PLCG2: variants seen among roughly 807,000 people sequenced by gnomAD.
PLCG2 encodes 1-phosphatidylinositol 4,5-bisphosphate phosphodiesterase gamma-2.
Under a neutral mutation model 175.6 loss-of-function variants are expected in PLCG2, and 69 were observed. The observed-to-expected ratio is 0.39, with a 90% CI of 0.32 to 0.48. PLCG2 has a LOEUF of 0.48. Ranked by LOEUF, PLCG2 falls within the 20% of genes least tolerant of loss-of-function variation. The probability of loss-of-function intolerance (pLI) is 0.91; values close to 1 mark genes in which losing one functional copy is unlikely to be tolerated. For missense variants in PLCG2, 1,798 were observed against 1,650.9 expected (o/e 1.09, Z -1.54); for synonymous variants, 827 against 624.0 (o/e 1.33, Z -4.85).
intron 2 of PLCG2, among the ~76,000 whole-genome samples, chr16:81,828,112 A>G (rs1905117122): frequency 6.7e-6 from 1 of 149,720 alleles, no homozygotes; most frequent in Non-Finnish European, 1.5e-5. Context: ...AAAAAAAAAA[A>G]GTTGACTCAT....
chr16:81,929,527 C>T (rs1407124452), intron 24 of PLCG2, among the ~76,000 whole-genome samples: 2 of 152,168 alleles, frequency 1.3e-5, no homozygotes, highest in Middle Eastern at 3.2e-3. Context: ...TCCTGAGTAG[C>T]CGGGACTACA....
At chr16:81,934,565 C>T in intron 26 of PLCG2, 34 bp downstream of exon 26, 1 of 1,246,762 alleles carries the variant, frequency 8.0e-7, no homozygotes, top group Non-Finnish European at 1.2e-6. Context: ...CCCTATAACT[C>T]CAATGAAAAC....
intron 2 of PLCG2, among the ~76,000 whole-genome samples, chr16:81,820,408 A>G (rs936839163): frequency 6.6e-6 from 1 of 152,206 alleles, no homozygotes; most frequent in African/African-American, 2.4e-5. Flanking sequence ...TTTCATAAAC[A>G]TGGAATGAAA....
intron 1 of PLCG2, among the ~76,000 whole-genome samples, chr16:81,781,519 G>A (rs979006860): frequency 1.3e-5 from 2 of 152,054 alleles, no homozygotes; most frequent in Non-Finnish European, 2.9e-5. Flanking sequence ...ACAATTGCAG[G>A]ATCGAAGCAT....
Position 81,866,527 on chromosome 16 carries a change from C to G in PLCG2, c.480-2687C>G, listed in dbSNP as rs1346587547. Among the ~76,000 whole-genome samples, 2 of 90,020 alleles carry G rather than the reference C, an allele frequency of 2.2e-5. 1 individual carries two copies. The highest frequency in any genetic ancestry group is 5.6e-5 in the Non-Finnish European group (2 of 35,940). 59.1% of individuals were successfully genotyped at this position (90,020 alleles called of 152,430 possible). On this transcript the variant is annotated intron_variant, in intron 5 of 32. Coordinates refer to ENST00000564138, the MANE Select transcript of PLCG2 (RefSeq NM_002661.5). ...AGAGGACGCTGGCCTCTCCCTTGCT[C>G]CCAGGATGAGCTCCACTGGGGCACC...
intron 9 of PLCG2, among the ~76,000 whole-genome samples, chr16:81,886,750 G>A (rs561898153): frequency 1.3e-5 from 2 of 152,286 alleles, no homozygotes; most frequent in South Asian, 4.1e-4. Flanking sequence ...TATATAACAT[G>A]GAGAATAACC....
intron 26 of PLCG2, among the ~76,000 whole-genome samples, chr16:81,934,762 T>A (rs1355379683): frequency 2.0e-5 from 3 of 152,020 alleles, no homozygotes; most frequent in Non-Finnish European, 4.4e-5. Context: ...GACTGAGTAA[T>A]TTATAAGGAA....
chr16:81,942,918 ATTTTT>A (rs71146055), intron 30 of PLCG2, among the ~76,000 whole-genome samples: 20 of 148,060 alleles, frequency 1.4e-4, no homozygotes, highest in African/African-American at 5.0e-4. Context: ...AAAAACAATT[ATTTTT>A]TTTTTTTTTA....
intron 9 of PLCG2, among the ~76,000 whole-genome samples, chr16:81,886,390 A>C (rs1908368922): frequency 6.6e-6 from 1 of 152,194 alleles, no homozygotes; most frequent in African/African-American, 2.4e-5. Flanking sequence ...TCACTGCAGC[A>C]CTTTGTGTGC....
intron 8 of PLCG2, among the ~76,000 whole-genome samples, chr16:81,883,047 C>A (rs1193349344): frequency 6.6e-6 from 1 of 152,174 alleles, no homozygotes; most frequent in Non-Finnish European, 1.5e-5. Context: ...ACACCAGGGC[C>A]TGCCCCTTGA....
intron 2 of PLCG2, among the ~76,000 whole-genome samples, chr16:81,818,884 T>TTTTTA (rs1904671846): frequency 4.4e-4 from 1 of 2,294 alleles, no homozygotes; most frequent in African/African-American, 1.1e-3. Flanking sequence ...GGCTCATGGA[T>TTTTTA]TTTTTTTTTT....
At position 81,959,650 on chromosome 16, in the gene PLCG2, A is replaced by G. The variant is rs1464235929; in HGVS notation, c.*1652A>G. 1 of 189,584 alleles carries G rather than the reference A, an allele frequency of 5.3e-6. No homozygotes were observed. The highest frequency in any genetic ancestry group is 1.1e-5 in the Non-Finnish European group (1 of 90,312). 11.7% of individuals were successfully genotyped at this position (189,584 alleles called of 1,614,324 possible). A position where few individuals can be genotyped will look rare whatever the true frequency, so the allele number is the denominator to read the frequency against. On this transcript the variant is annotated 3_prime_UTR_variant, in exon 33 of 33. Transcript: ENST00000564138. ...TATTTGGCAGTCAGCAACTGAAGAAAGAACATTCCTCTTAGTGGCAGATGT... is the reference window on the plus strand; with the variant it reads ...TATTTGGCAGTCAGCAACTGAAGAAGGAACATTCCTCTTAGTGGCAGATGT...
chr16:81,882,936 C>G (rs181382731), intron 8 of PLCG2, among the ~76,000 whole-genome samples: 33 of 149,638 alleles, frequency 2.2e-4, no homozygotes, highest in African/African-American at 7.8e-4. Flanking sequence ...TACACTGTAT[C>G]CCATATGCCT....
rs1472539031 is a variant in PLCG2, at chr16:81,958,418, A to G, written c.*420A>G. ...GGAGGATGAGCTGGAAATGTAAGAA[A>G]CTATTCATGAGATTCTGAAAAGGAT... On this transcript the variant is annotated 3_prime_UTR_variant, in exon 33 of 33. Transcript: ENST00000564138. 8 of 245,542 alleles carry G rather than the reference A, an allele frequency of 3.3e-5. No individual in the cohort carries two copies. The highest frequency in any genetic ancestry group is 6.3e-5 in the Non-Finnish European group (8 of 126,158). The allele number at this position is 245,542 out of a possible 1,614,324, so 15.2% of individuals were successfully genotyped here.
At chr16:81,826,725 AC>A (rs1905063542) in intron 2 of PLCG2, among the ~76,000 whole-genome samples, 2 of 152,108 alleles carry the variant, frequency 1.3e-5, no homozygotes, top group South Asian at 4.2e-4. Flanking sequence ...TGACGAGTCT[AC>A]CCATTTTATA....
chr16:81,799,517 TGG>T (rs1911625349), intron 2 of PLCG2, among the ~76,000 whole-genome samples: 1 of 152,114 alleles, frequency 6.6e-6, no homozygotes, highest in Non-Finnish European at 1.5e-5. Flanking sequence ...CTTGAACTCC[TGG>T]CCTCAAGAGA....
intron 1 of PLCG2, among the ~76,000 whole-genome samples, chr16:81,742,099 T>G (rs1420130698): frequency 2.1e-5 from 3 of 141,324 alleles, no homozygotes; most frequent in African/African-American, 8.5e-5. Context: ...TGCTCAACAT[T>G]TAAACACAGA....
intron 27 of PLCG2, 45 bp from the exon 28 acceptor site, chr16:81,937,713 C>A (rs781289121): frequency 1.0e-5 from 16 of 1,583,366 alleles, no homozygotes; most frequent in African/African-American, 8.1e-5. Context: ...AGGGGGCCAG[C>A]GTGCTCATGC....
At chr16:81,874,946 G>A (rs911390957) in intron 7 of PLCG2, among the ~76,000 whole-genome samples, 1 of 42,848 alleles carries the variant, frequency 2.3e-5, no homozygotes, top group African/African-American at 7.1e-5. Context: ...ACTATCCTAT[G>A]TGTTTTTTTT....
Sources: allele counts gnomAD v4.1 joint callset (sites outside exome capture counted in the v4.1 genomes callset), GRCh38; gene constraint gnomAD v4.1.1; transcripts MANE v1.5; gene names NCBI Gene and HGNC (gene_info 2026-07-23, HGNC 2026-07-21).